PLEKHG1: variants seen among roughly 807,000 people sequenced by gnomAD.
The protein encoded by PLEKHG1 is pleckstrin homology domain-containing family G member 1.
Under a neutral mutation model 100.8 loss-of-function variants are expected in PLEKHG1, and 44 were observed. The observed-to-expected ratio is 0.44, with a 90% CI of 0.34 to 0.56. The LOEUF (loss-of-function observed/expected upper bound fraction) is 0.56, where lower values mean the gene tolerates loss of function less well. Ranked by LOEUF, PLEKHG1 falls within the 20% of genes least tolerant of loss-of-function variation. The pLI is 0.01. For missense variants in PLEKHG1, 1,545 were observed against 1,720.9 expected (o/e 0.90, Z 1.81); for synonymous variants, 640 against 662.5 (o/e 0.97, Z 0.52).
chr6:150,606,733 A>G (rs766040438), intron 1 of PLEKHG1, among the ~76,000 whole-genome samples: 1 of 151,898 alleles, frequency 6.6e-6, no homozygotes, highest in African/African-American at 2.4e-5. Flanking sequence ...AAACTTGGCT[A>G]TTTCTGGCTG....
At chr6:150,622,452 T>C (rs551661134) in intron 1 of PLEKHG1, among the ~76,000 whole-genome samples, 5 of 152,138 alleles carry the variant, frequency 3.3e-5, no homozygotes, top group Non-Finnish European at 7.4e-5. Context: ...CCATGGGTAC[T>C]CTTTTGGTGC....
At chr6:150,650,272 G>T (rs1039336950) in intron 2 of PLEKHG1, among the ~76,000 whole-genome samples, 1 of 152,176 alleles carries the variant, frequency 6.6e-6, no homozygotes, top group African/African-American at 2.4e-5. Flanking sequence ...CTGCGGTGGA[G>T]AAGGATTGAA....
intron 2 of PLEKHG1, among the ~76,000 whole-genome samples, chr6:150,646,155 A>C (rs200897024): frequency 6.6e-6 from 1 of 152,128 alleles, no homozygotes; most frequent in East Asian, 1.9e-4. Context: ...TTTACAGTTC[A>C]AAAGCACACA....
intron 1 of PLEKHG1, among the ~76,000 whole-genome samples, chr6:150,601,505 A>G (rs2291581): frequency 0.11 from 16,104 of 152,170 alleles, 981 homozygotes; most frequent in East Asian, 0.17. Flanking sequence ...TAAGACAGAG[A>G]GAAAAGTAAC....
intron 3 of PLEKHG1, among the ~76,000 whole-genome samples, chr6:150,784,672 C>T (rs1785505461): frequency 6.6e-6 from 1 of 151,764 alleles, no homozygotes; most frequent in African/African-American, 2.4e-5. Context: ...AAATGCAAAG[C>T]ATAGAATATC....
intron 1 of PLEKHG1, among the ~76,000 whole-genome samples, chr6:150,727,604 C>T (rs200461512): frequency 6.9e-6 from 1 of 144,368 alleles, no homozygotes; most frequent in Non-Finnish European, 1.5e-5. Context: ...AAGGATGGCA[C>T]AAAAAAAAAA....
intron 1 of PLEKHG1, among the ~76,000 whole-genome samples, chr6:150,615,176 A>C (rs1777014765): frequency 6.6e-6 from 1 of 152,246 alleles, no homozygotes. Context: ...TCTGATGCTT[A>C]GAAATGCCTT....
intron 2 of PLEKHG1, among the ~76,000 whole-genome samples, chr6:150,643,178 CTA>C (rs1582870064): frequency 6.6e-6 from 1 of 152,092 alleles, no homozygotes; most frequent in Non-Finnish European, 1.5e-5. Flanking sequence ...TGCCAGGTAA[CTA>C]TGCCAACTTT....
At position 150,728,797 on chromosome 6, in the gene PLEKHG1, G is replaced by A. The variant is rs1338458862; in HGVS notation, c.-98-4787G>A. Among the ~76,000 whole-genome samples, 4 of 151,926 alleles carry A rather than the reference G, an allele frequency of 2.6e-5. No homozygotes were observed. In the East Asian group the frequency reaches 7.8e-4, roughly 30 times the overall value. On this transcript the variant is annotated intron_variant, in intron 1 of 15. Transcript: ENST00000358517. ...TGTAATCCCAGCTACTCAGGAGGCT[G>A]AGGCAGGAGAATTGCTTGAACCCAG...
At chr6:150,803,001 C>T (rs1027158218) in intron 6 of PLEKHG1, among the ~76,000 whole-genome samples, 1 of 152,084 alleles carries the variant, frequency 6.6e-6, no homozygotes, top group African/African-American at 2.4e-5. Context: ...CCATGAAAAT[C>T]CCCACAGAAA....
intron 3 of PLEKHG1, among the ~76,000 whole-genome samples, chr6:150,661,189 G>T (rs1315088209): frequency 6.6e-6 from 1 of 152,210 alleles, no homozygotes; most frequent in Non-Finnish European, 1.5e-5. Context: ...AGAAGCCTTG[G>T]CCAGTGTAGG....
At chr6:150,648,247 C>T (rs1778580665) in intron 2 of PLEKHG1, among the ~76,000 whole-genome samples, 1 of 152,038 alleles carries the variant, frequency 6.6e-6, no homozygotes. Context: ...TTTATGGTAT[C>T]TTTCTAGGTA....
intron 3 of PLEKHG1, among the ~76,000 whole-genome samples, chr6:150,695,182 G>T (rs1025274809): frequency 6.6e-6 from 1 of 152,076 alleles, no homozygotes; most frequent in Non-Finnish European, 1.5e-5. Flanking sequence ...AACAATATTT[G>T]TCCTACTTAA....
At chr6:150,819,913 A>T in intron 12 of PLEKHG1, 139 bp downstream of exon 13, 1 of 632,272 alleles carries the variant, frequency 1.6e-6, no homozygotes, top group Non-Finnish European at 2.9e-6. Flanking sequence ...CTGCCTTAAG[A>T]TGGGACTCAT....
At chr6:150,625,785 T>G (rs1273945722) in intron 1 of PLEKHG1, 1 of 152,256 alleles carries the variant, frequency 6.6e-6, no homozygotes, top group Non-Finnish European at 1.5e-5. Context: ...TGAGCCATCA[T>G]GCCCAGTCTT....
intron 4 of PLEKHG1, among the ~76,000 whole-genome samples, chr6:150,790,175 C>A (rs1218019794): frequency 6.6e-6 from 1 of 152,094 alleles, no homozygotes; most frequent in Non-Finnish European, 1.5e-5. Flanking sequence ...GCATGTGCCA[C>A]CACACCCGGC....
At chr6:150,711,008 G>A (rs1378333043) in intron 3 of PLEKHG1, among the ~76,000 whole-genome samples, 1 of 152,188 alleles carries the variant, frequency 6.6e-6, no homozygotes, top group African/African-American at 2.4e-5. Flanking sequence ...CAAACTCTGT[G>A]CCTTTTGAGG....
chr6:150,609,425 A>T (rs541149893), intron 1 of PLEKHG1, among the ~76,000 whole-genome samples: 4 of 152,260 alleles, frequency 2.6e-5, no homozygotes, highest in Non-Finnish European at 4.4e-5. Flanking sequence ...AATATGCTAG[A>T]CTGGGGAAGA....
intron 2 of PLEKHG1, among the ~76,000 whole-genome samples, chr6:150,751,882 T>C (rs1034903490): frequency 6.6e-6 from 1 of 152,202 alleles, no homozygotes; most frequent in Admixed American, 6.5e-5. Context: ...TAATGTTTGC[T>C]GTAGTATCTC....
Sources: gnomAD v4.1 joint callset for allele counts (sites outside exome capture counted in the v4.1 genomes callset) on GRCh38, gnomAD v4.1.1 for gene constraint, MANE v1.5 for transcripts, NCBI Gene and HGNC (gene_info 2026-07-23, HGNC 2026-07-21) for gene names.